Variants in NAGS observed in about 807,000 individuals in gnomAD.
NAGS encodes the protein N-acetylglutamate synthase.
In NAGS, 34 loss-of-function variants were observed where a neutral mutation model predicts 46.9. The observed-to-expected ratio is 0.72, with a 90% CI of 0.55 to 0.97. The LOEUF (loss-of-function observed/expected upper bound fraction) is 0.97, where lower values mean the gene tolerates loss of function less well. Among genes scored for constraint, NAGS ranks in the 50% least tolerant of loss-of-function variants. NAGS has a pLI of 0.00. For missense variants in NAGS, 665 were observed against 747.0 expected, an observed-to-expected ratio of 0.89 and a Z score of 1.28; for synonymous variants, 334 against 346.3, an observed-to-expected ratio of 0.96 and a Z score of 0.39.
Position 44,007,326 on chromosome 17 carries a change from C to G in NAGS, c.1100C>G (p.Ser367Cys). The G allele has an allele frequency of 6.2e-7, 1 of 1,613,788 alleles. No homozygotes were observed. The highest frequency in any genetic ancestry group is 1.1e-5 in the South Asian group (1 of 91,036). The change falls in exon 5 of 7, where the codon TCC becomes TGC. Residue 367 changes from serine to cysteine, a missense_variant. Physicochemically the swap from Ser to Cys is moderately radical, Grantham distance 112. Coordinates refer to ENST00000293404, the MANE Select transcript of NAGS (RefSeq NM_153006.3). The surrounding 1 kb of genome is among the most constrained non-coding windows in gnomAD (Gnocchi z 5.1). ...LLTELFSNKG[S>C]GTLFKNAERM... ...GCCCCTCCCCATCCTCCTCCAGGGT[C>G]CGGGACCCTGTTCAAGAACGCCGAG... is the stretch of plus-strand genomic sequence containing the variant.
Position 44,005,486 on chromosome 17 carries a change from C to A in NAGS, c.427-151C>A. On this transcript the variant is annotated intron_variant, in intron 1 of 6. Transcript: ENST00000293404. The surrounding 1 kb of genome is among the most constrained non-coding windows in gnomAD (Gnocchi z 7.2). ...AAGGGAGTGGCAAGACCCAACGGGG[C>A]AAAGGGCGGAGCAGGTGGGCACTGG... 1 of 1,099,122 alleles carries A rather than the reference C, an allele frequency of 9.1e-7. No homozygotes were observed. Among genetic ancestry groups the A allele is most frequent in the Non-Finnish European group, 1.3e-6 (1 of 764,732 alleles). The allele number at this position is 1,099,122 out of a possible 1,614,324, so 68.1% of individuals were successfully genotyped here.
chr17:44,005,750 T>C lies in NAGS; in HGVS notation c.540T>C (p.Pro180=), dbSNP rs2143982962. The change falls in exon 2 of 7, where the codon CCT becomes CCC. Residue 180 remains proline, a synonymous_variant. Transcript: ENST00000293404. This position sits in a 1 kb window ranked among gnomAD's most constrained non-coding sequence, Gnocchi z 7.2. ...TGGTGGTCCTGGGGCTGCCGGCCCC[T>C]ACGGCTCCCTCGGGCTGTCTTTCCT... ...KPLVVLGLPA[P]TAPSGCLSFW... 1 of 1,591,620 alleles carries C rather than the reference T, an allele frequency of 6.3e-7. No individual in the cohort carries two copies. The highest frequency in any genetic ancestry group is 2.3e-5 in the East Asian group (1 of 43,920).
Position 44,005,226 on chromosome 17 carries a change from G to A in NAGS, c.426+137G>A. 7.0e-7 allele frequency: 1 copy of A among 1,430,942 alleles called. No homozygotes were observed. The highest frequency in any genetic ancestry group is 9.1e-7 in the Non-Finnish European group (1 of 1,094,052). 88.6% of individuals were successfully genotyped at this position (1,430,942 alleles called of 1,614,324 possible). On this transcript the variant is annotated intron_variant, in intron 1 of 6. Transcript: ENST00000293404. The surrounding 1 kb of genome is among the most constrained non-coding windows in gnomAD (Gnocchi z 7.2). ...GGAGCCCGGCAGGGCCCAGACCAGC[G>A]CCGCCGGGAATGGGAGAGGCCGTAA...
rs201071897 is a variant in NAGS, at chr17:44,007,749, G to C, written c.1427G>C (p.Arg476Pro). 6.3e-7 allele frequency: 1 copy of C among 1,586,692 alleles called. No homozygotes were observed. ...CTTCAGACACTTTTCTGGCGCTCCC[G>C]GGTCACCAACCCCATCAATCCCTGG... ...RDLQTLFWRS[R>P]VTNPINPWYF... Residue 476 changes from arginine (R) to proline (P), a missense_variant, in exon 6 of 7, where the codon CGG becomes CCG. Physicochemically the swap from Arg to Pro is moderately radical, Grantham distance 103 (BLOSUM62 -2). Transcript: ENST00000293404. This position sits in a 1 kb window ranked among gnomAD's most constrained non-coding sequence, Gnocchi z 5.1.
chr17:44,005,123 G>T lies in NAGS; in HGVS notation c.426+34G>T. The T allele has an allele frequency of 1.3e-6, 2 of 1,546,406 alleles. No homozygotes were observed. The highest frequency in any genetic ancestry group is 8.7e-7 in the Non-Finnish European group (1 of 1,149,590). ...AGCCCGGCGTGGGCCGTGACGCAGCGAGGGGATGGGGTTGTGCGGCCACCT... is the reference window on the plus strand; with the variant it reads ...AGCCCGGCGTGGGCCGTGACGCAGCTAGGGGATGGGGTTGTGCGGCCACCT... On this transcript the variant is annotated intron_variant, in intron 1 of 6. Coordinates refer to ENST00000293404, the MANE Select transcript of NAGS (RefSeq NM_153006.3). This position sits in a 1 kb window ranked among gnomAD's most constrained non-coding sequence, Gnocchi z 7.2.
chr17:44,007,601 G>A lies in NAGS; in HGVS notation c.1279G>A (p.Ala427Thr). Residue 427 changes from alanine (A) to threonine (T), a missense_variant, in exon 6 of 7, where the codon GCC becomes ACC. Transcript: ENST00000293404. This position sits in a 1 kb window ranked among gnomAD's most constrained non-coding sequence, Gnocchi z 5.1. ...CTCCCGCTGCGCCAGGTACAACGCC[G>A]CCGCCATTCTGACCATGGAGCCCGT... Reference protein sequence around the residue: ...SIYVSEGYNAAAILTMEPVLG... With the variant: ...SIYVSEGYNATAILTMEPVLG... 1.9e-6 allele frequency: 3 copies of A among 1,608,822 alleles called. No homozygotes were observed. The highest frequency in any genetic ancestry group is 1.7e-6 in the Non-Finnish European group (2 of 1,177,864).
chr17:44,006,278 G>A lies in NAGS; in HGVS notation c.915+41G>A, dbSNP rs1328512376. 1.9e-6 allele frequency: 3 copies of A among 1,600,794 alleles called. No individual in the cohort carries two copies. The highest frequency in any genetic ancestry group is 1.3e-5 in the African/African-American group (1 of 74,700). On this transcript the variant is annotated intron_variant, in intron 3 of 6. Coordinates refer to ENST00000293404, the MANE Select transcript of NAGS (RefSeq NM_153006.3). The surrounding 1 kb of genome is among the most constrained non-coding windows in gnomAD (Gnocchi z 4.8). ...TCACCTTCCCCCACGCCGGCGATCC[G>A]GGCCTTCTCTTGCGCCCCTCGCACT...
At position 44,006,036 on chromosome 17, in the gene NAGS, C is replaced by A. The variant is rs751366509; in HGVS notation, c.714C>A (p.Ile238=). ...GTCTGGCCCACAGCTACGGCGGCAT[C>A]GTCTCGGTGGAGACAGACCTGCTGC... ...EPAPHASYGG[I]VSVETDLLQW... The change falls in exon 3 of 7, where the codon ATC becomes ATA. Residue 238 remains isoleucine, a synonymous_variant. Transcript: ENST00000293404. This position sits in a 1 kb window ranked among gnomAD's most constrained non-coding sequence, Gnocchi z 4.8. 6 of 1,602,994 alleles carry A rather than the reference C, an allele frequency of 3.7e-6. No homozygotes were observed. In the South Asian group the frequency reaches 4.5e-5, roughly 12 times the overall value.
rs1339951967 is a variant in NAGS, at chr17:44,005,845, C to T, written c.635C>T (p.Ala212Val). 1 of 1,563,610 alleles carries T rather than the reference C, an allele frequency of 6.4e-7. No individual in the cohort carries two copies. Among genetic ancestry groups the T allele is most frequent in the South Asian group, 1.2e-5 (1 of 85,230 alleles). Residue 212 changes from alanine to valine, a missense_variant, in exon 2 of 7, where the codon GCC becomes GTC. Transcript: ENST00000293404. The surrounding 1 kb of genome is among the most constrained non-coding windows in gnomAD (Gnocchi z 7.2). ...VLVDALRHNA[A>V]AAVPFFGGGS... ...GTAGACGCGCTTCGACACAACGCCG[C>T]CGCTGCTGTGCCATTTTTTGGCGGC... is the stretch of plus-strand genomic sequence containing the variant.
chr17:44,005,016 G>C lies in NAGS; in HGVS notation c.353G>C (p.Gly118Ala). 1 of 1,561,414 alleles carries C rather than the reference G, an allele frequency of 6.4e-7. No homozygotes were observed. ...CTGAACCAGTGCGGGGCCAGCCCTG[G>C]GGAGGCGCGCCACTGGCTCACGCAG... ...AFLNQCGASP[G>A]EARHWLTQFQ... The change falls in exon 1 of 7, where the codon GGG (glycine) becomes GCG (alanine). Residue 118 changes from glycine to alanine, a missense_variant. Coordinates refer to ENST00000293404, the MANE Select transcript of NAGS (RefSeq NM_153006.3). This position sits in a 1 kb window ranked among gnomAD's most constrained non-coding sequence, Gnocchi z 7.2.
chr17:44,008,825 A>C lies in NAGS; in HGVS notation c.*224A>C. 3.2e-6 allele frequency: 2 copies of C among 619,090 alleles called. No homozygotes were observed. The highest frequency in any genetic ancestry group is 5.7e-6 in the Non-Finnish European group (2 of 353,362). 38.3% of individuals were successfully genotyped at this position (619,090 alleles called of 1,614,324 possible). On this transcript the variant is annotated 3_prime_UTR_variant, in exon 7 of 7. Transcript: ENST00000293404. ...AGGACCCCAACTCGACTCACTCTAA[A>C]GCTACAACCAAATGGCCTTCGATTT...
chr17:44,007,087 C>T lies in NAGS; in HGVS notation c.1097-236C>T, dbSNP rs34608962. 4,116 of 594,940 alleles carry T rather than the reference C, an allele frequency of 6.9e-3. 165 individuals are homozygous for T. In the African/African-American group the frequency reaches 0.07, roughly 10 times the overall value. 36.9% of individuals were successfully genotyped at this position (594,940 alleles called of 1,614,324 possible). On this transcript the variant is annotated intron_variant, in intron 4 of 6. Coordinates refer to ENST00000293404, the MANE Select transcript of NAGS (RefSeq NM_153006.3). This position sits in a 1 kb window ranked among gnomAD's most constrained non-coding sequence, Gnocchi z 5.1. ...ACTTCAAGGAGCGAGGCAAGACTAACGGAAGTGGGTGGGGCTCCAGGCGAC... is the reference window on the plus strand; with the variant it reads ...ACTTCAAGGAGCGAGGCAAGACTAATGGAAGTGGGTGGGGCTCCAGGCGAC...
In NAGS at chr17:44,007,224, G is replaced by A; in HGVS notation, c.1097-99G>A. On this transcript the variant is annotated intron_variant, in intron 4 of 6. Coordinates refer to ENST00000293404, the MANE Select transcript of NAGS (RefSeq NM_153006.3). The surrounding 1 kb of genome is among the most constrained non-coding windows in gnomAD (Gnocchi z 5.1). ...CATTTCACTGTGGAGGTCTCCCAAA[G>A]ACGGAAATTGTCCCACCAGCGCCTG... The A allele has an allele frequency of 8.7e-7, 1 of 1,150,502 alleles. No homozygotes were observed. Among genetic ancestry groups the A allele is most frequent in the Non-Finnish European group, 1.2e-6 (1 of 802,528 alleles). The allele number at this position is 1,150,502 out of a possible 1,614,324, so 71.3% of individuals were successfully genotyped here.
chr17:44,006,266 C>T lies in NAGS; in HGVS notation c.915+29C>T, dbSNP rs146451392. The T allele has an allele frequency of 0.011, 16,977 of 1,608,426 alleles. 148 individuals are homozygous for T. The highest frequency in any genetic ancestry group is 0.012 in the Non-Finnish European group (13,657 of 1,177,582). On this transcript the variant is annotated intron_variant, in intron 3 of 6. Coordinates refer to ENST00000293404, the MANE Select transcript of NAGS (RefSeq NM_153006.3). The surrounding 1 kb of genome is among the most constrained non-coding windows in gnomAD (Gnocchi z 4.8). The stretch of plus-strand genomic sequence containing the variant: ...CGGCCCTTTCTTTCACCTTCCCCCA[C>T]GCCGGCGATCCGGGCCTTCTCTTGC...
rs1465173781 is a variant in NAGS at position 44,006,329 on chromosome 17, T to C, written c.915+92T>C. 8 of 1,517,326 alleles carry C rather than the reference T, an allele frequency of 5.3e-6. No homozygotes were observed. The highest frequency in any genetic ancestry group is 2.4e-5 in the South Asian group (2 of 84,270). The allele number at this position is 1,517,326 out of a possible 1,614,324, so 94.0% of individuals were successfully genotyped here. A position where few individuals can be genotyped will look rare whatever the true frequency, so the allele number is the denominator to read the frequency against. On this transcript the variant is annotated intron_variant, in intron 3 of 6. Transcript: ENST00000293404. This position sits in a 1 kb window ranked among gnomAD's most constrained non-coding sequence, Gnocchi z 4.8. The stretch of plus-strand genomic sequence containing the variant: ...TCTCCCCGACGGGCCGCAGACTCAC[T>C]AGCAAGCCGGGTGGGTAGAAAAGCC...
rs1045045490 is a variant in NAGS at position 44,007,144 on chromosome 17, G to A, written c.1097-179G>A. 1.5e-6 allele frequency: 1 copy of A among 651,232 alleles called. No individual in the cohort carries two copies. The highest frequency in any genetic ancestry group is 2.6e-6 in the Non-Finnish European group (1 of 383,762). 40.3% of individuals were successfully genotyped at this position (651,232 alleles called of 1,614,324 possible). A position where few individuals can be genotyped will look rare whatever the true frequency, so the allele number is the denominator to read the frequency against. On this transcript the variant is annotated intron_variant, in intron 4 of 6. Coordinates refer to ENST00000293404, the MANE Select transcript of NAGS (RefSeq NM_153006.3). The surrounding 1 kb of genome is among the most constrained non-coding windows in gnomAD (Gnocchi z 5.1). Reference sequence around the variant, plus strand: ...AACTTGGGGCACAATCTCTGCCTGGGGAAAGCATCTCCTTGAATGAAAATC... The same window carrying A: ...AACTTGGGGCACAATCTCTGCCTGGAGAAAGCATCTCCTTGAATGAAAATC...
Position 44,004,969 on chromosome 17 carries a change from G to T in NAGS, c.306G>T (p.Val102=). The part of the protein sequence containing the change: ...SPEPPSGRSL[V]QRDIQAFLNQ... ...AGCCTCCTTCGGGCCGCTCGCTGGT[G>T]CAGCGGGACATCCAGGCCTTCCTGA... The change falls in exon 1 of 7, where the codon GTG becomes GTT. Residue 102 remains valine, a synonymous_variant. Transcript: ENST00000293404. The T allele has an allele frequency of 6.5e-7, 1 of 1,540,488 alleles. No individual in the cohort carries two copies.
chr17:44,004,742 G>A lies in NAGS; in HGVS notation c.79G>A (p.Gly27Ser). ...GCTGAGAGGCCGGGGAGGCACTGGG[G>A]GCGCCCGAAGGCTGAGCTGTGGCGC... Reference protein sequence around the residue: ...PRLRGRGGTGGARRLSCGARR... With the variant: ...PRLRGRGGTGSARRLSCGARR... The change falls in exon 1 of 7, where the codon GGC becomes AGC. Residue 27 changes from glycine (G) to serine (S), a missense_variant. Physicochemically the swap from Gly to Ser is moderately conservative, Grantham distance 56. Transcript: ENST00000293404. 2 of 1,460,256 alleles carry A rather than the reference G, an allele frequency of 1.4e-6. No homozygotes were observed. The highest frequency in any genetic ancestry group is 9.0e-7 in the Non-Finnish European group (1 of 1,106,804). The allele number at this position is 1,460,256 out of a possible 1,614,324, so 90.5% of individuals were successfully genotyped here.
At position 44,005,883 on chromosome 17, in the gene NAGS, C is replaced by T. The variant is rs765591744; in HGVS notation, c.673C>T (p.Arg225Cys). The T allele has an allele frequency of 7.1e-6, 11 of 1,548,470 alleles. No homozygotes were observed. In the South Asian group the frequency reaches 1.2e-4, roughly 17 times the overall value. The change falls in exon 2 of 7, where the codon CGC becomes TGC. Residue 225 changes from arginine (R) to cysteine (C), a missense_variant. Physicochemically the swap from Arg to Cys is radical, Grantham distance 180. Transcript: ENST00000293404. The surrounding 1 kb of genome is among the most constrained non-coding windows in gnomAD (Gnocchi z 7.2). ...VPFFGGGSVLRAAEPAPHASY... is the reference protein window; with the variant it reads ...VPFFGGGSVLCAAEPAPHASY... Reference sequence around the variant, plus strand: ...ATTTTTTGGCGGCGGGTCTGTGCTACGCGCTGCCGAGCCGGCTCCCCATGC... The same window carrying T: ...ATTTTTTGGCGGCGGGTCTGTGCTATGCGCTGCCGAGCCGGCTCCCCATGC...
Sources: gnomAD v4.1 joint callset for allele counts on GRCh38, gnomAD v4.1.1 for gene constraint, Gnocchi (gnomAD v3.1) non-coding constraint, MANE v1.5 for transcripts, NCBI Gene and HGNC (gene_info 2026-07-23, HGNC 2026-07-21) for gene names.